The following CA9 variants were observed in gnomAD, a reference collection of about 807,000 sequenced individuals.
The protein encoded by CA9 is carbonic anhydrase 9, also known as CA-IX.
A neutral mutation model predicts 51.8 loss-of-function variants in CA9; 43 were observed. The observed-to-expected ratio is 0.83, with a 90% CI of 0.65 to 1.07. The LOEUF is 1.07. CA9 is among the 50% of genes least tolerant of loss of function. The probability of loss-of-function intolerance (pLI) is 0.00; values close to 1 mark genes in which losing one functional copy is unlikely to be tolerated. For synonymous variants in CA9, 253 were observed against 244.2 expected (o/e 1.04, Z -0.34); for missense variants, 574 against 581.4 (o/e 0.99, Z 0.13).
intron 1 of CA9, chr9:35,674,608 AG>A (rs1339770785): frequency 4.6e-6 from 2 of 435,436 alleles, no homozygotes; most frequent in Non-Finnish European, 8.1e-6. Context: ...GAGAAGGGGG[AG>A]GCTGGAGAAG....
At chr9:35,677,415 A>T (rs570298228) in intron 5 of CA9, among the ~76,000 whole-genome samples, 2 of 152,278 alleles carry the variant, frequency 1.3e-5, no homozygotes, top group South Asian at 4.1e-4. Flanking sequence ...GGGAGTATGT[A>T]CGGAGGCAGC....
intron 7 of CA9, 124 bp downstream of exon 7, chr9:35,679,466 G>A (rs1017224814): frequency 3.6e-5 from 45 of 1,233,942 alleles, no homozygotes; most frequent in Non-Finnish European, 5.0e-5. Context: ...ATCCCACCAC[G>A]TTGGGAGGCT....
chr9:35,678,432 A>G (rs998203527), intron 6 of CA9, among the ~76,000 whole-genome samples: 1 of 151,992 alleles, frequency 6.6e-6, no homozygotes, highest in Non-Finnish European at 1.5e-5. Flanking sequence ...GGAATTGTCA[A>G]GGTCAAGTCT....
In CA9 at chr9:35,679,315, CCAGA is replaced by C. The variant is rs766148116; in HGVS notation, c.1042_1045del (p.Thr348Ter). ...AGGGTGTCATCTGGACTGTGTTTAACCAGACAGTGATGCTGAGTGCTAAGCAGGT... is the reference window on the plus strand; with the variant it reads ...AGGGTGTCATCTGGACTGTGTTTAACCAGTGATGCTGAGTGCTAAGCAGGT... On this transcript the variant is annotated frameshift_variant, in exon 7 of 11. Transcript: ENST00000378357. LOFTEE classifies it high-confidence loss of function. The C allele has an allele frequency of 6.2e-7, 1 of 1,614,020 alleles. No individual in the cohort carries two copies. Among genetic ancestry groups the C allele is most frequent in the South Asian group, 1.1e-5 (1 of 91,058 alleles).
chr9:35,675,804 C>T lies in CA9; in HGVS notation c.477C>T (p.Arg159=), dbSNP rs759663992. ...WPRVSPACAG[R]FQSPVDIRPQ... The stretch of plus-strand genomic sequence containing the variant: ...GGGTGTCCCCAGCCTGCGCGGGCCG[C>T]TTCCAGTCCCCGGTGGATATCCGCC... Residue 159 remains arginine (R), a synonymous_variant, in exon 3 of 11, where the codon CGC becomes CGT. Coordinates refer to ENST00000378357, the MANE Select transcript of CA9 (RefSeq NM_001216.3). The T allele has an allele frequency of 1.9e-6, 3 of 1,603,474 alleles. No homozygotes were observed. The African/African-American group carries it at 4.0e-5, about 21-fold the overall frequency.
chr9:35,678,594 C>CT (rs1349219264), intron 6 of CA9, among the ~76,000 whole-genome samples: 1 of 151,820 alleles, frequency 6.6e-6, no homozygotes, highest in Admixed American at 6.6e-5. Context: ...TAGGTTTCTG[C>CT]TAGACTAGGT....
rs142538914 is a variant in CA9 at position 35,680,979 on chromosome 9, G to C, written c.1334G>C (p.Gly445Ala). Residue 445 changes from glycine to alanine, a missense_variant, in exon 11 of 11, where the codon GGG (glycine) becomes GCG (alanine). Transcript: ENST00000378357. ...MRRQHRRGTK[G>A]GVSYRPAEVA... Reference sequence around the variant, plus strand: ...TGTACACACAGAAGGGGAACCAAAGGGGGTGTGAGCTACCGCCCAGCAGAG... The same window carrying C: ...TGTACACACAGAAGGGGAACCAAAGCGGGTGTGAGCTACCGCCCAGCAGAG... The C allele has an allele frequency of 4.2e-5, 68 of 1,614,108 alleles. No individual in the cohort carries two copies. The highest frequency in any genetic ancestry group is 2.9e-4 in the African/African-American group (22 of 75,030).
chr9:35,674,075 G>A lies in CA9; in HGVS notation c.116G>A (p.Arg39Lys). The A allele has an allele frequency of 1.2e-6, 2 of 1,614,208 alleles. No individual in the cohort carries two copies. The highest frequency in any genetic ancestry group is 1.7e-6 in the Non-Finnish European group (2 of 1,180,034). ...CTTCTGGTGCCTGTCCATCCCCAGA[G>A]GTTGCCCCGGATGCAGGAGGATTCC... The part of the protein sequence containing the change: ...LLLLVPVHPQ[R>K]LPRMQEDSPL... Residue 39 changes from arginine to lysine, a missense_variant, in exon 1 of 11, where the codon AGG becomes AAG. Arg to Lys is a conservative substitution (Grantham distance 26). Coordinates refer to ENST00000378357, the MANE Select transcript of CA9 (RefSeq NM_001216.3).
chr9:35,677,235 C>T (rs928207634), intron 5 of CA9, among the ~76,000 whole-genome samples: 2 of 152,102 alleles, frequency 1.3e-5, no homozygotes, highest in African/African-American at 4.8e-5. Flanking sequence ...TATGTTCATA[C>T]TCTTAGGTTC....
Position 35,674,012 on chromosome 9 carries a change from C to A in CA9, c.53C>A (p.Ala18Asp), listed in dbSNP as rs376921768. The change falls in exon 1 of 11, where the codon GCT becomes GAT. Residue 18 changes from alanine (A) to aspartate (D), a missense_variant. Ala to Asp is a moderately radical substitution (Grantham distance 126). Coordinates refer to ENST00000378357, the MANE Select transcript of CA9 (RefSeq NM_001216.3). ...CTCCCTCTGTTGATCCCGGCCCCTG[C>A]TCCAGGCCTCACTGTGCAACTGCTG... ...PWLPLLIPAPAPGLTVQLLLS... is the reference protein window; with the variant it reads ...PWLPLLIPAPDPGLTVQLLLS... The A allele has an allele frequency of 6.2e-7, 1 of 1,613,702 alleles. No homozygotes were observed. Among genetic ancestry groups the A allele is most frequent in the Non-Finnish European group, 8.5e-7 (1 of 1,179,728 alleles).
chr9:35,680,737 C>G lies in CA9; in HGVS notation c.1238-16C>G. 2.5e-6 allele frequency: 4 copies of G among 1,612,570 alleles called. No homozygotes were observed. Among genetic ancestry groups the G allele is most frequent in the African/African-American group, 1.3e-5 (1 of 75,034 alleles). ...CTCTTCCTTCCCAAAGCAGCCCTCT[C>G]TGCTCTCCATCGCAGGTGACATCCT... On this transcript the variant is annotated splice_polypyrimidine_tract_variant and intron_variant, in intron 9 of 10. Transcript: ENST00000378357.
chr9:35,675,588 ACAGACC>A, intron 2 of CA9, 21 bp downstream of exon 2: 7 of 1,613,840 alleles, frequency 4.3e-6, no homozygotes, highest in Non-Finnish European at 5.9e-6. Context: ...CACCCGCTGC[ACAGACC>A]CAATCTGGGA....
At chr9:35,675,514 G>C in intron 1 of CA9, 24 bp from the exon 2 acceptor site, 3 of 1,613,948 alleles carry the variant, frequency 1.9e-6, no homozygotes, top group South Asian at 1.1e-5. Flanking sequence ...AAGCTTGAGC[G>C]GTTCATCCTT....
In CA9 at chr9:35,679,172, A is replaced by T; in HGVS notation, c.908-13A>T. The stretch of plus-strand genomic sequence containing the variant: ...CAATGTAGATGAGACCCCAACATAG[A>T]TCCTCTTCACAGGCTCAGAGACTCA... On this transcript the variant is annotated splice_polypyrimidine_tract_variant and intron_variant, in intron 6 of 10. Coordinates refer to ENST00000378357, the MANE Select transcript of CA9 (RefSeq NM_001216.3). 2 of 1,613,858 alleles carry T rather than the reference A, an allele frequency of 1.2e-6. No homozygotes were observed. The highest frequency in any genetic ancestry group is 1.7e-6 in the Non-Finnish European group (2 of 1,179,918).
chr9:35,675,949 C>T lies in CA9; in HGVS notation c.604+18C>T, dbSNP rs1824411662. On this transcript the variant is annotated intron_variant, in intron 3 of 10. Transcript: ENST00000378357. ...CCACAGTGGTGAGGGGGTCTCCCCG[C>T]CGAGACTTGGGGATGGGGCGGGGCG... 2 of 1,600,060 alleles carry T rather than the reference C, an allele frequency of 1.2e-6. No individual in the cohort carries two copies. The highest frequency in any genetic ancestry group is 2.2e-5 in the East Asian group (1 of 44,674).
intron 6 of CA9, among the ~76,000 whole-genome samples, chr9:35,678,695 C>CTTTTTTTTTT (rs746454806): frequency 1.5e-5 from 2 of 129,878 alleles, no homozygotes; most frequent in African/African-American, 2.9e-5. Context: ...TTTTTCTTTT[C>CTTTTTTTTTT]TTTTCTTTTT....
intron 9 of CA9, 194 bp from the exon 10 acceptor site, chr9:35,680,559 G>A: frequency 1.7e-6 from 1 of 603,728 alleles, no homozygotes; most frequent in Non-Finnish European, 2.9e-6. Context: ...CTTTTAGGAA[G>A]CAAAAACGGT....
chr9:35,674,654 T>A (rs371866686), intron 1 of CA9: 11 of 291,634 alleles, frequency 3.8e-5, no homozygotes, highest in African/African-American at 2.4e-4. Flanking sequence ...AGAGAAAAAA[T>A]GTGCAGACAG....
At chr9:35,677,311 C>T (rs1824443739) in intron 5 of CA9, among the ~76,000 whole-genome samples, 1 of 152,160 alleles carries the variant, frequency 6.6e-6, no homozygotes, top group Non-Finnish European at 1.5e-5. Context: ...AAAGAAGTGG[C>T]ATGTCAGGAC....
Sources: allele counts gnomAD v4.1 joint callset (sites outside exome capture counted in the v4.1 genomes callset), GRCh38; gene constraint gnomAD v4.1.1; transcripts MANE v1.5; gene names NCBI Gene and HGNC (gene_info 2026-07-23, HGNC 2026-07-21).